ELAPOR1: variants seen among roughly 807,000 people sequenced by gnomAD.
The protein encoded by ELAPOR1 is endosome/lysosome-associated apoptosis and autophagy regulator 1.
A neutral mutation model predicts 119.7 loss-of-function variants in ELAPOR1; 77 were observed. The ratio of observed to expected loss-of-function variants is 0.64; its 90% CI spans 0.54 to 0.78. The LOEUF (loss-of-function observed/expected upper bound fraction) is 0.78, where lower values mean the gene tolerates loss of function less well. ELAPOR1 is among the 30% of genes least tolerant of loss of function. The pLI is 0.00. For synonymous variants in ELAPOR1, 481 were observed against 487.2 expected (o/e 0.99, Z 0.17); for missense variants, 1,115 against 1,270.4 (o/e 0.88, Z 1.86).
At chr1:109,191,247 C>A in intron 11 of ELAPOR1, 119 bp from the exon 12 acceptor site, 1 of 659,242 alleles carries the variant, frequency 1.5e-6, no homozygotes, top group Non-Finnish European at 2.7e-6. Flanking sequence ...TTAGTCCACA[C>A]GCTTTCCATC....
intron 15 of ELAPOR1, among the ~76,000 whole-genome samples, chr1:109,196,793 C>T (rs1474564949): frequency 6.6e-6 from 1 of 152,112 alleles, no homozygotes; most frequent in Non-Finnish European, 1.5e-5. Flanking sequence ...AGCGATTCTC[C>T]TGCCTCAGCC....
chr1:109,174,329 A>G (rs1652109607), intron 7 of ELAPOR1, among the ~76,000 whole-genome samples: 2 of 139,830 alleles, frequency 1.4e-5, no homozygotes, highest in Non-Finnish European at 1.5e-5. Flanking sequence ...GGGAAGATCA[A>G]TTGGGCCTAG....
In ELAPOR1 at chr1:109,197,573, G is replaced by A; in HGVS notation, c.2221G>A (p.Ala741Thr). ...ATCTATCACAGCCTACGTCTGCCAG[G>A]CAGTCATCATCCCCCCAGAGGTGAC... ...SKSITAYVCQAVIIPPEVTGY... is the reference protein window; with the variant it reads ...SKSITAYVCQTVIIPPEVTGY... The change falls in exon 16 of 22, where the codon GCA becomes ACA. Residue 741 changes from alanine (A) to threonine (T), a missense_variant. Physicochemically the swap from Ala to Thr is moderately conservative, Grantham distance 58. Transcript: ENST00000369939. The A allele has an allele frequency of 1.2e-6, 2 of 1,614,200 alleles. No individual in the cohort carries two copies. Among genetic ancestry groups the A allele is most frequent in the Non-Finnish European group, 1.7e-6 (2 of 1,180,026 alleles).
chr1:109,172,670 C>T, intron 5 of ELAPOR1, 102 bp downstream of exon 5: 1 of 796,344 alleles, frequency 1.3e-6, no homozygotes, highest in Non-Finnish European at 2.1e-6. Flanking sequence ...CCCCAATGTC[C>T]CTGGAGGGCA....
chr1:109,161,168 T>C lies in ELAPOR1; in HGVS notation c.154-726T>C, dbSNP rs185823833. On this transcript the variant is annotated intron_variant, in intron 1 of 21. Transcript: ENST00000369939. ...GGCTCATGCCTGTAATCCCAGCATT[T>C]TGGGAGGCCAAGGCAGGTGGATCAC... Among the ~76,000 whole-genome samples the C allele has an allele frequency of 4.3e-3, 657 of 152,074 alleles. 4 individuals carry two copies. The highest frequency in any genetic ancestry group is 0.015 in the African/African-American group (619 of 41,506).
chr1:109,180,967 A>AAAAAG (rs1295684509), intron 7 of ELAPOR1, among the ~76,000 whole-genome samples: 5 of 152,228 alleles, frequency 3.3e-5, no homozygotes, highest in African/African-American at 9.6e-5. Context: ...TGTCTCTAAA[A>AAAAAG]AAAAGAAAAG....
Position 109,203,053 on chromosome 1 carries a change from C to A in ELAPOR1, c.*41C>A, listed in dbSNP as rs1292769995. ...TCACCTGCCTCCTCACCTTGCATAG[C>A]ACCTTTGCAAGCCTGCGGCGATTTG... On this transcript the variant is annotated 3_prime_UTR_variant, in exon 22 of 22. Coordinates refer to ENST00000369939, the MANE Select transcript of ELAPOR1 (RefSeq NM_020775.5). 1.4e-6 allele frequency: 2 copies of A among 1,419,684 alleles called. No individual in the cohort carries two copies. The highest frequency in any genetic ancestry group is 2.8e-5 in the African/African-American group (2 of 70,654). 87.9% of individuals were successfully genotyped at this position (1,419,684 alleles called of 1,614,324 possible).
intron 3 of ELAPOR1, among the ~76,000 whole-genome samples, chr1:109,165,748 CT>C (rs757259868): frequency 1.4e-3 from 188 of 135,352 alleles, no homozygotes; most frequent in South Asian, 0.011. Flanking sequence ...TCTTCTTCTT[CT>C]TTTTTTTTTT....
At chr1:109,183,088 T>G (rs604187) in intron 7 of ELAPOR1, among the ~76,000 whole-genome samples, 122,708 of 151,442 alleles carry the variant, frequency 0.81, 50,320 homozygotes, top group East Asian at 1. Flanking sequence ...TTTCAAAAAG[T>G]TTTTATTTGT....
rs145752389 is a variant in ELAPOR1, at chr1:109,198,652, C to T, written c.2479C>T (p.Pro827Ser). The T allele has an allele frequency of 4.7e-5, 76 of 1,613,610 alleles. No individual in the cohort carries two copies. The African/African-American group carries it at 1.0e-3, about 22-fold the overall frequency. ...RVRCSPQKTV[P>S]GSLLLPGTCS... ...CAGGTGCAGTCCACAGAAAACTGTCCCTGGAAGTTTGCTGCTGCCAGGGTA... is the reference window on the plus strand; with the variant it reads ...CAGGTGCAGTCCACAGAAAACTGTCTCTGGAAGTTTGCTGCTGCCAGGGTA... The change falls in exon 18 of 22, where the codon CCT (proline) becomes TCT (serine). Residue 827 changes from proline (P) to serine (S), a missense_variant. Physicochemically the swap from Pro to Ser is moderately conservative, Grantham distance 74. Coordinates refer to ENST00000369939, the MANE Select transcript of ELAPOR1 (RefSeq NM_020775.5).
At position 109,191,872 on chromosome 1, in the gene ELAPOR1, C is replaced by A; in HGVS notation, c.1683+9C>A. 1.9e-6 allele frequency: 3 copies of A among 1,614,034 alleles called. No homozygotes were observed. Among genetic ancestry groups the A allele is most frequent in the Non-Finnish European group, 2.5e-6 (3 of 1,179,934 alleles). ...CCACTTTTCATGAGGCAGTAAGTTC[C>A]TCCCCTTCCTCAGACCCCCAGGAGA... On this transcript the variant is annotated intron_variant, in intron 13 of 21. Transcript: ENST00000369939.
chr1:109,116,680 CTTTTTTT>C (rs71069649), intron 1 of ELAPOR1, among the ~76,000 whole-genome samples: 1 of 96,866 alleles, frequency 1.0e-5, no homozygotes, highest in Non-Finnish European at 2.2e-5. Flanking sequence ...CTTCTCTGTT[CTTTTTTT>C]TTTTTTTTTT....
At position 109,191,383 on chromosome 1, in the gene ELAPOR1, T is replaced by C; in HGVS notation, c.1457T>C (p.Met486Thr). 2.5e-6 allele frequency: 4 copies of C among 1,614,090 alleles called. No individual in the cohort carries two copies. Among genetic ancestry groups the C allele is most frequent in the Non-Finnish European group, 8.5e-7 (1 of 1,179,896 alleles). The change falls in exon 12 of 22, where the codon ATG becomes ACG. Residue 486 changes from methionine (M) to threonine (T), a missense_variant. Transcript: ENST00000369939. ...CCCTACAGACCTCCGCAGTCGGTGA[T>C]GGCAGACACAGAGAATAAAGAGGTG... ...VPGFRPPQSV[M>T]ADTENKEVAR...
At chr1:109,117,935 G>A (rs1402596930) in intron 1 of ELAPOR1, among the ~76,000 whole-genome samples, 4 of 152,050 alleles carry the variant, frequency 2.6e-5, no homozygotes, top group African/African-American at 9.7e-5. Flanking sequence ...TTCAAAACCA[G>A]CCTGGCCAAC....
intron 11 of ELAPOR1, among the ~76,000 whole-genome samples, chr1:109,190,996 C>T (rs1304808959): frequency 1.3e-5 from 2 of 152,128 alleles, no homozygotes; most frequent in Admixed American, 1.3e-4. Flanking sequence ...CTGGGAGGAG[C>T]CTGAGGTTCT....
intron 7 of ELAPOR1, among the ~76,000 whole-genome samples, chr1:109,179,226 C>T (rs1053545524): frequency 6.6e-6 from 1 of 151,482 alleles, no homozygotes; most frequent in African/African-American, 2.4e-5. Context: ...CATGGTGAAA[C>T]CCCATCTCTA....
chr1:109,116,942 T>G (rs1227442106), intron 1 of ELAPOR1, among the ~76,000 whole-genome samples: 1 of 152,210 alleles, frequency 6.6e-6, no homozygotes, highest in Non-Finnish European at 1.5e-5. Flanking sequence ...CCACCCGCCT[T>G]GGCCTCCCAG....
At chr1:109,139,015 C>T (rs1164580495) in intron 1 of ELAPOR1, among the ~76,000 whole-genome samples, 1 of 151,928 alleles carries the variant, frequency 6.6e-6, no homozygotes, top group Non-Finnish European at 1.5e-5. Context: ...CCCTAGTTCT[C>T]CTCCTAGGAA....
chr1:109,117,717 C>T (rs1384578980), intron 1 of ELAPOR1, among the ~76,000 whole-genome samples: 1 of 151,944 alleles, frequency 6.6e-6, no homozygotes, highest in East Asian at 1.9e-4. Flanking sequence ...ACTTAATAAA[C>T]GTTGGTAGGA....
Sources: gnomAD v4.1 joint callset for allele counts (sites outside exome capture counted in the v4.1 genomes callset) on GRCh38, gnomAD v4.1.1 for gene constraint, MANE v1.5 for transcripts, NCBI Gene and HGNC (gene_info 2026-07-23, HGNC 2026-07-21) for gene names.